CDC34: variants seen among roughly 807,000 people sequenced by gnomAD.
CDC34 encodes ubiquitin-conjugating enzyme E2 R1.
CDC34 carries 18 observed loss-of-function variants against 26.8 expected under a neutral mutation model. That is an observed-to-expected ratio of 0.67 (90% CI 0.47 to 1.00). The LOEUF is 1.00. Ranked by LOEUF, CDC34 falls within the 50% of genes least tolerant of loss-of-function variation. The pLI is 0.00. For missense variants in CDC34, 280 were observed against 334.5 expected, an observed-to-expected ratio of 0.84 and a Z score of 1.27; for synonymous variants, 178 against 147.5, an observed-to-expected ratio of 1.21 and a Z score of -1.50.
intron 1 of CDC34, among the ~76,000 whole-genome samples, chr19:532,868 G>A (rs1229439538): frequency 1.3e-5 from 2 of 152,166 alleles, no homozygotes; most frequent in Admixed American, 1.3e-4. Context: ...CCCGCGTCCC[G>A]GACCCCGACC....
intron 4 of CDC34, chr19:538,808 G>A (rs1018759181): frequency 1.0e-5 from 10 of 985,078 alleles, no homozygotes; most frequent in Admixed American, 6.2e-5. Context: ...GGCCCCGTGC[G>A]GCCTCCTGGG....
chr19:538,103 G>A (rs1345259507), intron 4 of CDC34, among the ~76,000 whole-genome samples: 2 of 151,930 alleles, frequency 1.3e-5, no homozygotes, highest in Non-Finnish European at 2.9e-5. Flanking sequence ...AAATGGGGTC[G>A]TGCTGTGTGT....
At chr19:538,632 C>T in intron 4 of CDC34, 5 of 867,212 alleles carry the variant, frequency 5.8e-6, no homozygotes, top group Non-Finnish European at 5.5e-6. Context: ...TTAAAAACAA[C>T]TTTTAAAATA....
Position 541,408 on chromosome 19 carries a change from G to A in CDC34, c.567G>A (p.Glu189=). ...TGAAGGTGCCCACCACGCTGGCCGA[G>A]TACTGCGTGAAGACCAAGGCGCCGG... The part of the protein sequence containing the change: ...DGVKVPTTLA[E]YCVKTKAPAP... Residue 189 remains glutamate, a synonymous_variant, in exon 5 of 5, where the codon GAG becomes GAA. Transcript: ENST00000215574. 1 of 1,612,044 alleles carries A rather than the reference G, an allele frequency of 6.2e-7. No individual in the cohort carries two copies. Among genetic ancestry groups the A allele is most frequent in the Non-Finnish European group, 8.5e-7 (1 of 1,179,760 alleles).
rs369587037 is a variant in CDC34, at chr19:536,613, C to T, written c.362+273C>T. On this transcript the variant is annotated intron_variant, in intron 3 of 4. Coordinates refer to ENST00000215574, the MANE Select transcript of CDC34 (RefSeq NM_004359.2). Reference sequence around the variant, plus strand: ...AACCACCTAGAGGTGTCCCGCCATCCTCAGTCCTGGGGCCTTCTCCTTACC... The same window carrying T: ...AACCACCTAGAGGTGTCCCGCCATCTTCAGTCCTGGGGCCTTCTCCTTACC... 31 of 559,132 alleles carry T rather than the reference C, an allele frequency of 5.5e-5. No homozygotes were observed. The African/African-American group carries it at 5.6e-4, about 10-fold the overall frequency. 34.6% of individuals were successfully genotyped at this position (559,132 alleles called of 1,614,324 possible). A position where few individuals can be genotyped will look rare whatever the true frequency, so the allele number is the denominator to read the frequency against.
intron 3 of CDC34, 73 bp downstream of exon 3, chr19:536,413 C>A (rs924336282): frequency 2.5e-6 from 3 of 1,191,534 alleles, no homozygotes; most frequent in South Asian, 1.4e-5. Context: ...TCCACCCAGA[C>A]CATCAGGTAG....
chr19:532,282 C>T (rs544918262), intron 1 of CDC34, among the ~76,000 whole-genome samples, 174 bp downstream of exon 1: 2 of 152,350 alleles, frequency 1.3e-5, no homozygotes, highest in East Asian at 3.9e-4. Flanking sequence ...TGCCCGGCCC[C>T]CTCCTCGGAC....
intron 4 of CDC34, among the ~76,000 whole-genome samples, chr19:538,267 G>A (rs1979853812): frequency 6.6e-6 from 1 of 152,244 alleles, no homozygotes; most frequent in Admixed American, 6.5e-5. Flanking sequence ...GGTGAGCTCT[G>A]GGTACAGCTG....
At chr19:539,097 G>GT in intron 4 of CDC34, 1 of 843,766 alleles carries the variant, frequency 1.2e-6, no homozygotes, top group East Asian at 1.2e-4. Context: ...GTTTCTGCCT[G>GT]TTTTTTCATC....
In CDC34 at chr19:536,226, G is replaced by T. The variant is rs1273189560; in HGVS notation, c.265-17G>T. The T allele has an allele frequency of 6.3e-7, 1 of 1,594,504 alleles. No individual in the cohort carries two copies. The highest frequency in any genetic ancestry group is 2.3e-5 in the East Asian group (1 of 44,186). On this transcript the variant is annotated splice_polypyrimidine_tract_variant and intron_variant, in intron 2 of 4. Transcript: ENST00000215574. ...GCTGACCTCTGACCTGTTCTGACCT[G>T]TCTTCTTCTTGTGCAGACGGGGGAC...
chr19:537,446 G>A (rs531324534), intron 4 of CDC34, among the ~76,000 whole-genome samples: 28 of 152,056 alleles, frequency 1.8e-4, no homozygotes, highest in African/African-American at 6.0e-4. Context: ...TCCGCCTCCC[G>A]GGTTCACGCC....
chr19:532,746 G>A (rs909603002), intron 1 of CDC34, among the ~76,000 whole-genome samples: 3 of 152,226 alleles, frequency 2.0e-5, no homozygotes, highest in Non-Finnish European at 2.9e-5. Context: ...AGCCGGCCAG[G>A]CGCCCTGGGC....
At chr19:538,644 T>C in intron 4 of CDC34, 1 of 881,766 alleles carries the variant, frequency 1.1e-6, no homozygotes, top group Non-Finnish European at 1.4e-6. Context: ...TTTAAAATAT[T>C]GCACACATAA....
chr19:534,256 C>T (rs543604407), intron 1 of CDC34, among the ~76,000 whole-genome samples: 6 of 152,170 alleles, frequency 3.9e-5, no homozygotes. Flanking sequence ...GGCCAAGTCA[C>T]TTGCCTTACG....
chr19:533,677 A>G (rs2145845596), intron 1 of CDC34, among the ~76,000 whole-genome samples: 1 of 152,286 alleles, frequency 6.6e-6, no homozygotes, highest in East Asian at 1.9e-4. Flanking sequence ...TGCCCACCAG[A>G]CCGGTTGCCA....
chr19:533,227 C>CT (rs974752997), intron 1 of CDC34, among the ~76,000 whole-genome samples: 49 of 152,238 alleles, frequency 3.2e-4, no homozygotes, highest in African/African-American at 1.2e-3. Flanking sequence ...GTCCAGGAAT[C>CT]TCCCCCTCCC....
intron 4 of CDC34, among the ~76,000 whole-genome samples, chr19:541,003 G>T (rs1979986312): frequency 2.6e-5 from 4 of 152,206 alleles, no homozygotes; most frequent in Admixed American, 6.5e-5. Flanking sequence ...TTGCCCCCCA[G>T]TGGGGCAGCA....
chr19:538,673 C>T (rs957459317), intron 4 of CDC34: 1 of 981,094 alleles, frequency 1.0e-6, no homozygotes, highest in East Asian at 1.1e-4. Flanking sequence ...TCTTCCTCGC[C>T]CCAGGACCCA....
chr19:539,444 C>T (rs1979912771), intron 4 of CDC34, among the ~76,000 whole-genome samples: 1 of 152,126 alleles, frequency 6.6e-6, no homozygotes, highest in South Asian at 2.1e-4. Flanking sequence ...ACCCCCCCAG[C>T]CCATCGGAGA....
Sources: gnomAD v4.1 joint callset for allele counts (sites outside exome capture counted in the v4.1 genomes callset) on GRCh38, gnomAD v4.1.1 for gene constraint, MANE v1.5 for transcripts, NCBI Gene and HGNC (gene_info 2026-07-23, HGNC 2026-07-21) for gene names.